Variants in FAM167A observed in about 807,000 individuals in gnomAD.
The protein encoded by FAM167A is protein FAM167A.
A neutral mutation model predicts 14.9 loss-of-function variants in FAM167A; 23 were observed. The observed-to-expected ratio is 1.55, with a 90% CI of 1.11 to 2.19. The LOEUF (loss-of-function observed/expected upper bound fraction) is 2.19. Among genes scored for constraint, FAM167A ranks in the 30% most tolerant of loss-of-function variants. FAM167A has a pLI of 0.00. For missense variants in FAM167A, 401 were observed against 281.5 expected, an observed-to-expected ratio of 1.42 and a Z score of -3.04; for synonymous variants, 174 against 117.7, an observed-to-expected ratio of 1.48 and a Z score of -3.10.
intron 1 of FAM167A, among the ~76,000 whole-genome samples, chr8:11,464,661 T>G (rs1490176447): frequency 1.3e-5 from 2 of 152,314 alleles, no homozygotes; most frequent in East Asian, 3.9e-4. Context: ...AGTGCTCAGT[T>G]ACTCATTTTC....
At chr8:11,470,059 G>A (rs1203662879), upstream of FAM167A, among the ~76,000 whole-genome samples, 3 of 152,216 alleles carry the variant, frequency 2.0e-5, no homozygotes, top group African/African-American at 7.2e-5. Context: ...CAAGTTAGAT[G>A]AAGGACCTCG....
chr8:11,440,758 C>A (rs574866886), intron 2 of FAM167A, among the ~76,000 whole-genome samples: 1 of 152,346 alleles, frequency 6.6e-6, no homozygotes, highest in African/African-American at 2.4e-5. Context: ...TTGAGCCTAA[C>A]AAATCTGTAG....
intron 1 of FAM167A, among the ~76,000 whole-genome samples, chr8:11,457,965 C>G (rs564287859): frequency 1.3e-5 from 2 of 152,150 alleles, no homozygotes; most frequent in Non-Finnish European, 2.9e-5. Flanking sequence ...TTTTGTGTCC[C>G]GAGCACAGGG....
chr8:11,452,615 C>T (rs1180935262), intron 1 of FAM167A, among the ~76,000 whole-genome samples: 1 of 152,212 alleles, frequency 6.6e-6, no homozygotes, highest in Non-Finnish European at 1.5e-5. Context: ...GAGGTTGCCT[C>T]GGGTCTGTTT....
intron 2 of FAM167A, among the ~76,000 whole-genome samples, chr8:11,431,643 T>A (rs954459779): frequency 3.3e-5 from 5 of 152,142 alleles, no homozygotes; most frequent in African/African-American, 9.7e-5. Flanking sequence ...GAATACTGCA[T>A]CCAGGGGACC....
chr8:11,454,984 C>T (rs1029893660), intron 1 of FAM167A, among the ~76,000 whole-genome samples: 4 of 150,936 alleles, frequency 2.7e-5, no homozygotes, highest in South Asian at 2.1e-4. Flanking sequence ...CTAGCCCTGG[C>T]GCTCATCTCT....
chr8:11,457,201 C>G (rs1807364496), intron 1 of FAM167A, among the ~76,000 whole-genome samples: 1 of 151,832 alleles, frequency 6.6e-6, no homozygotes, highest in South Asian at 2.1e-4. Context: ...CCAAGCACCC[C>G]TGTGGTCTAC....
intron 2 of FAM167A, among the ~76,000 whole-genome samples, chr8:11,435,811 A>C (rs1164716852): frequency 6.6e-6 from 1 of 152,216 alleles, no homozygotes; most frequent in Non-Finnish European, 1.5e-5. Flanking sequence ...ACCGTAATTA[A>C]ATGGGCACAC....
Position 11,444,386 on chromosome 8 carries a change from T to C in FAM167A, c.26A>G (p.Glu9Gly). 6.4e-7 allele frequency: 1 copy of C among 1,558,546 alleles called. No homozygotes were observed. Among genetic ancestry groups the C allele is most frequent in the Non-Finnish European group, 8.7e-7 (1 of 1,151,888 alleles). Residue 9 changes from glutamate to glycine, a missense_variant, in exon 2 of 3, where the codon GAA becomes GGA. Coordinates refer to ENST00000284486, the MANE Select transcript of FAM167A (RefSeq NM_053279.3). ...CGCCCCCTCTTCTGCACCCACTTCT[T>C]CCACGTGGATCTGGGGCACAGACAT... Reference protein sequence around the residue: MSVPQIHVEEVGAEEGAGA... With the variant: MSVPQIHVGEVGAEEGAGA...
chr8:11,425,240 G>C (rs1805055205), intron 2 of FAM167A, among the ~76,000 whole-genome samples: 1 of 152,188 alleles, frequency 6.6e-6, no homozygotes, highest in Non-Finnish European at 1.5e-5. Flanking sequence ...CTATTAACAT[G>C]CAACAGTTAA....
At chr8:11,437,709 G>A (rs1806124836) in intron 2 of FAM167A, among the ~76,000 whole-genome samples, 1 of 152,182 alleles carries the variant, frequency 6.6e-6, no homozygotes, top group Non-Finnish European at 1.5e-5. Flanking sequence ...AACGCTCTAG[G>A]TGCCTCACCC....
intron 1 of FAM167A, among the ~76,000 whole-genome samples, chr8:11,460,927 G>C (rs1349698913): frequency 1.3e-5 from 2 of 152,248 alleles, no homozygotes; most frequent in African/African-American, 4.8e-5. Flanking sequence ...AAAGTGCTGG[G>C]TCCATGCTGA....
chr8:11,435,029 C>G (rs1010307586), intron 2 of FAM167A: 2 of 456,628 alleles, frequency 4.4e-6, no homozygotes, highest in African/African-American at 2.0e-5. Context: ...CTGCCTGCCT[C>G]CCCCCCTCAC....
Position 11,444,340 on chromosome 8 carries a change from A to G in FAM167A, c.72T>C (p.Asp24=), listed in dbSNP as rs1385945377. The part of the protein sequence containing the change: ...EEGAGAAAPP[D]DHLRSLKALT... ...GGGCCTTCAGGCTCCGGAGGTGGTC[A>G]TCGGGTGGTGCGGCTGCTCCCGCCC... is the stretch of plus-strand genomic sequence containing the variant. The change falls in exon 2 of 3, where the codon GAT becomes GAC. Residue 24 remains aspartate (D), a synonymous_variant. Coordinates refer to ENST00000284486, the MANE Select transcript of FAM167A (RefSeq NM_053279.3). 6.2e-7 allele frequency: 1 copy of G among 1,607,584 alleles called. No homozygotes were observed. The highest frequency in any genetic ancestry group is 1.7e-5 in the Admixed American group (1 of 58,646).
intron 2 of FAM167A, among the ~76,000 whole-genome samples, chr8:11,431,789 C>T (rs140606862): frequency 6.9e-6 from 1 of 145,604 alleles, no homozygotes; most frequent in Admixed American, 7.3e-5. Context: ...CTGAGTGACA[C>T]TGGAAGCTGA....
rs377575804 is a variant in FAM167A, at chr8:11,444,460, G to T, written c.-49C>A. 2 of 1,509,012 alleles carry T rather than the reference G, an allele frequency of 1.3e-6. No homozygotes were observed. Among genetic ancestry groups the T allele is most frequent in the African/African-American group, 1.4e-5 (1 of 71,512 alleles). 93.5% of individuals were successfully genotyped at this position (1,509,012 alleles called of 1,614,324 possible). A position where few individuals can be genotyped will look rare whatever the true frequency, so the allele number is the denominator to read the frequency against. On this transcript the variant is annotated 5_prime_UTR_variant, in exon 2 of 3. It adds an upstream start codon to the 5' untranslated region. Coordinates refer to ENST00000284486, the MANE Select transcript of FAM167A (RefSeq NM_053279.3). ...GACATGCGAGGGCACGGGGGGCGCAGGGGGAGGCTTGGTGGGTGGCACAGT... is the reference window on the plus strand; with the variant it reads ...GACATGCGAGGGCACGGGGGGCGCATGGGGAGGCTTGGTGGGTGGCACAGT...
intron 2 of FAM167A, 32 bp downstream of exon 2, chr8:11,443,999 T>C: frequency 2.5e-6 from 4 of 1,584,890 alleles, no homozygotes; most frequent in Non-Finnish European, 3.4e-6. Context: ...GCATCTCCTC[T>C]TTTCTGGGGA....
chr8:11,470,316 G>C (rs896294151), upstream of FAM167A, among the ~76,000 whole-genome samples: 2 of 152,168 alleles, frequency 1.3e-5, no homozygotes, highest in African/African-American at 4.8e-5. Context: ...GTGTCTTGGG[G>C]AAGGGTGTTC....
intron 2 of FAM167A, chr8:11,434,199 G>T (rs1805829033): frequency 6.6e-6 from 1 of 152,252 alleles, no homozygotes; most frequent in Admixed American, 6.5e-5. Flanking sequence ...TCTCTATTCG[G>T]GGAGGCTGCA....
Sources: allele counts gnomAD v4.1 joint callset (sites outside exome capture counted in the v4.1 genomes callset), GRCh38; gene constraint gnomAD v4.1.1; transcripts MANE v1.5; gene names NCBI Gene and HGNC (gene_info 2026-07-23, HGNC 2026-07-21).